POLB: variants seen among roughly 807,000 people sequenced by gnomAD.
The protein encoded by POLB is 5'-dRP lyase.
POLB carries 37 observed loss-of-function variants against 52.7 expected under a neutral mutation model. That is an observed-to-expected ratio of 0.70 (90% CI 0.54 to 0.92). The LOEUF (loss-of-function observed/expected upper bound fraction) is 0.92, where lower values mean the gene tolerates loss of function less well. Among genes scored for constraint, POLB ranks in the 40% least tolerant of loss-of-function variants. The pLI is 0.00. For synonymous variants in POLB, 138 were observed against 131.3 expected, an observed-to-expected ratio of 1.05 and a Z score of -0.35; for missense variants, 313 against 400.8, an observed-to-expected ratio of 0.78 and a Z score of 1.87.
At chr8:42,364,196 G>A (rs993826785) in intron 11 of POLB, among the ~76,000 whole-genome samples, 1 of 151,898 alleles carries the variant, frequency 6.6e-6, no homozygotes, top group Non-Finnish European at 1.5e-5. Flanking sequence ...CAAAGTACTG[G>A]GATTGCAGGC....
chr8:42,338,561 C>T lies in POLB; in HGVS notation c.-64C>T. The T allele has an allele frequency of 6.9e-7, 1 of 1,443,790 alleles. No individual in the cohort carries two copies. The highest frequency in any genetic ancestry group is 9.8e-7 in the Non-Finnish European group (1 of 1,025,526). 89.4% of individuals were successfully genotyped at this position (1,443,790 alleles called of 1,614,324 possible). On this transcript the variant is annotated 5_prime_UTR_variant, in exon 1 of 14. Coordinates refer to ENST00000265421, the MANE Select transcript of POLB (RefSeq NM_002690.3). ...CGTCTCCAAGTCCTGGTACCTCCTT[C>T]AAGCTGGGAGAGGGCTCTAGTCCCT...
intron 2 of POLB, among the ~76,000 whole-genome samples, chr8:42,341,377 T>G (rs2130770912): frequency 6.6e-6 from 1 of 152,356 alleles, no homozygotes; most frequent in South Asian, 2.1e-4. Flanking sequence ...GCTCCTTTAC[T>G]TATAAATATG....
chr8:42,343,348 ATATAT>A (rs1822361846), intron 2 of POLB, among the ~76,000 whole-genome samples: 2 of 23,634 alleles, frequency 8.5e-5, no homozygotes, highest in Non-Finnish European at 2.4e-4. Flanking sequence ...AAAAAAAAAT[ATATAT>A]ATATATATAT....
intron 6 of POLB, among the ~76,000 whole-genome samples, chr8:42,353,830 G>A (rs1009631586): frequency 2.0e-5 from 3 of 151,846 alleles, no homozygotes; most frequent in Non-Finnish European, 2.9e-5. Context: ...TTTCTGCTTC[G>A]TACAATTAAA....
chr8:42,362,660 A>C lies in POLB; in HGVS notation c.670A>C (p.Ile224Leu). ...GGAGCAGTTACAAAAGGTTCATTTT[A>C]TCACAGATACCCTGTCAAAGGGTGA... The part of the protein sequence containing the change: ...VVEQLQKVHF[I>L]TDTLSKGETK... The change falls in exon 11 of 14, where the codon ATC (isoleucine) becomes CTC (leucine). Residue 224 changes from isoleucine (I) to leucine (L), a missense_variant. This residue lies in a region of POLB where 246 missense variants were observed against 297.6 expected (regional missense o/e 0.83). Coordinates refer to ENST00000265421, the MANE Select transcript of POLB (RefSeq NM_002690.3). 6.2e-7 allele frequency: 1 copy of C among 1,610,590 alleles called. No homozygotes were observed. The highest frequency in any genetic ancestry group is 8.5e-7 in the Non-Finnish European group (1 of 1,177,068).
In POLB at chr8:42,371,654, A is replaced by G; in HGVS notation, c.1005A>G (p.Glu335=). 6.3e-7 allele frequency: 1 copy of G among 1,592,202 alleles called. No homozygotes were observed. Among genetic ancestry groups the G allele is most frequent in the South Asian group, 1.1e-5 (1 of 90,652 alleles). The change falls in exon 14 of 14, where the codon GAA becomes GAG. Residue 335 remains glutamate (E), a synonymous_variant. Transcript: ENST00000265421. The part of the protein sequence containing the change: ...WKYREPKDRS[E] The stretch of plus-strand genomic sequence containing the variant: ...ACCGGGAACCCAAGGACCGGAGCGA[A>G]TGAGGCCTGTATCCTCCCTGGCAGA...
chr8:42,363,518 A>T (rs1212619817), intron 11 of POLB, among the ~76,000 whole-genome samples: 2 of 126,890 alleles, frequency 1.6e-5, no homozygotes, highest in African/African-American at 6.5e-5. Flanking sequence ...ACAGACCGAG[A>T]CTCTGTCTCA....
chr8:42,356,863 A>G (rs1238600467), intron 7 of POLB, among the ~76,000 whole-genome samples: 5 of 152,206 alleles, frequency 3.3e-5, no homozygotes, highest in African/African-American at 1.2e-4. Flanking sequence ...ATAATGCCCT[A>G]ACTTAAATAT....
chr8:42,342,895 TAGCTATCC>T (rs1822298710), intron 2 of POLB, among the ~76,000 whole-genome samples: 1 of 152,052 alleles, frequency 6.6e-6, no homozygotes, highest in East Asian at 1.9e-4. Context: ...AATTTTAAAA[TAGCTATCC>T]AAGGGCTGCG....
At chr8:42,357,286 T>C in intron 8 of POLB, 34 bp from the exon 9 acceptor site, 1 of 1,440,830 alleles carries the variant, frequency 6.9e-7, no homozygotes, top group South Asian at 1.2e-5. Flanking sequence ...GAAAAGCCAT[T>C]TTGGGAATAC....
chr8:42,353,403 T>C (rs1016473429), intron 6 of POLB, among the ~76,000 whole-genome samples: 6 of 151,992 alleles, frequency 3.9e-5, no homozygotes, highest in East Asian at 3.9e-4. Flanking sequence ...CCACCGCGCC[T>C]GGCCCCCTTT....
chr8:42,361,423 T>G, intron 10 of POLB, 58 bp downstream of exon 10: 1 of 1,147,310 alleles, frequency 8.7e-7, no homozygotes, highest in Non-Finnish European at 1.3e-6. Context: ...AATTTCACTT[T>G]TTAAGTGATA....
intron 12 of POLB, 77 bp downstream of exon 12, chr8:42,369,412 G>T (rs558887289): frequency 3.6e-6 from 3 of 838,632 alleles, no homozygotes; most frequent in East Asian, 5.0e-5. Context: ...TTTGTATCTT[G>T]GAGTTCACAT....
rs368102815 is a variant in POLB at position 42,357,201 on chromosome 8, G to A, written c.455G>A (p.Arg152His). The change falls in exon 8 of 14, where the codon CGT becomes CAT. Residue 152 changes from arginine (R) to histidine (H), a missense_variant. By Grantham distance (29) the Arg-to-His change is conservative. This residue lies in a region of POLB where 246 missense variants were observed against 297.6 expected (regional missense o/e 0.83). Coordinates refer to ENST00000265421, the MANE Select transcript of POLB (RefSeq NM_002690.3). ...GGGGACTTTGAAAAAAGAATTCCTC[G>A]TGAAGAGATGTTACAAATGCAAGTA... ...YFGDFEKRIP[R>H]EEMLQMQDIV... 91 of 1,554,574 alleles carry A rather than the reference G, an allele frequency of 5.9e-5. No individual in the cohort carries two copies. The African/African-American group carries it at 6.6e-4, about 11-fold the overall frequency.
chr8:42,347,834 A>G (rs1240282247), intron 3 of POLB, among the ~76,000 whole-genome samples: 2 of 152,200 alleles, frequency 1.3e-5, no homozygotes, highest in Non-Finnish European at 2.9e-5. Flanking sequence ...CATTTATTAA[A>G]CATTAAATAA....
At chr8:42,356,811 G>A (rs1823344144) in intron 7 of POLB, among the ~76,000 whole-genome samples, 1 of 152,202 alleles carries the variant, frequency 6.6e-6, no homozygotes, top group African/African-American at 2.4e-5. Context: ...GCGGTAAACT[G>A]TAACCCCTTG....
intron 9 of POLB, among the ~76,000 whole-genome samples, chr8:42,360,430 G>C (rs1314808361): frequency 6.6e-6 from 1 of 152,034 alleles, no homozygotes; most frequent in East Asian, 1.9e-4. Context: ...AGATAGATTG[G>C]ATTCTTTTAT....
chr8:42,354,328 C>T (rs773960604), intron 6 of POLB: 1 of 454,396 alleles, frequency 2.2e-6, no homozygotes, highest in Non-Finnish European at 4.1e-6. Context: ...GATTTTATAT[C>T]TCCAGAGGGA....
In POLB at chr8:42,355,504, T is replaced by C. The variant is rs200238316; in HGVS notation, c.371-12T>C. 117 of 1,471,528 alleles carry C rather than the reference T, an allele frequency of 8.0e-5. 2 individuals carry two copies. In the African/African-American group the frequency reaches 1.3e-3, roughly 16 times the overall value. The allele number at this position is 1,471,528 out of a possible 1,614,324, so 91.2% of individuals were successfully genotyped here. ...TAAATTAACATGTCAACTTTATTTATCTTCTATACAGATCTCAGAAAAAAT... is the reference window on the plus strand; with the variant it reads ...TAAATTAACATGTCAACTTTATTTACCTTCTATACAGATCTCAGAAAAAAT... On this transcript the variant is annotated splice_polypyrimidine_tract_variant and intron_variant, in intron 6 of 13. Coordinates refer to ENST00000265421, the MANE Select transcript of POLB (RefSeq NM_002690.3).
Sources: allele counts gnomAD v4.1 joint callset (sites outside exome capture counted in the v4.1 genomes callset), GRCh38; gene constraint gnomAD v4.1.1; regional missense constraint gnomAD v4.1.1; transcripts MANE v1.5; gene names NCBI Gene and HGNC (gene_info 2026-07-23, HGNC 2026-07-21).